SAMD12: variants seen among roughly 807,000 people sequenced by gnomAD.
SAMD12 encodes the protein sterile alpha motif domain-containing protein 12.
In SAMD12, 9 loss-of-function variants were observed where a neutral mutation model predicts 15.0. That is an observed-to-expected ratio of 0.60 (90% confidence interval 0.36 to 1.05). The LOEUF (loss-of-function observed/expected upper bound fraction) is 1.05, where lower values mean the gene tolerates loss of function less well. SAMD12 is among the 50% of genes least tolerant of loss of function. The pLI is 0.01. For missense variants in SAMD12, 230 were observed against 234.2 expected (o/e 0.98, Z 0.12); for synonymous variants, 86 against 90.1 (o/e 0.96, Z 0.25).
the SAMD12 span, among the ~76,000 whole-genome samples, chr8:118,140,472 A>G: frequency 1.3e-5 from 2 of 151,942 alleles, no homozygotes; most frequent in Non-Finnish European, 2.9e-5. Flanking sequence ...GGATCTTGCT[A>G]TGTTGCTCAG....
At chr8:118,179,224 G>A in the SAMD12 span, among the ~76,000 whole-genome samples, 1 of 152,130 alleles carries the variant, frequency 6.6e-6, no homozygotes, top group Admixed American at 6.6e-5. Context: ...GATCACCTGA[G>A]GTCGGGAGTT....
At chr8:118,175,050 A>G in the SAMD12 span, among the ~76,000 whole-genome samples, 1 of 150,282 alleles carries the variant, frequency 6.7e-6, no homozygotes, top group Admixed American at 6.6e-5. Flanking sequence ...AAAAAAAACA[A>G]AAAAAACAAA....
At chr8:118,482,464 A>T (rs5012097) in intron 2 of SAMD12, among the ~76,000 whole-genome samples, 117,204 of 149,912 alleles carry the variant, frequency 0.78, 45,720 homozygotes, top group Middle Eastern at 0.82. Context: ...CGGGAAATAT[A>T]TATTTTTTTT....
chr8:118,402,896 A>G (rs1013923153), intron 3 of SAMD12, among the ~76,000 whole-genome samples: 1 of 152,204 alleles, frequency 6.6e-6, no homozygotes, highest in Non-Finnish European at 1.5e-5. Flanking sequence ...CTTCATGCAC[A>G]CACACAAAAA....
chr8:118,307,335 T>C, intron 4 of SAMD12, among the ~76,000 whole-genome samples: 1 of 152,214 alleles, frequency 6.6e-6, no homozygotes, highest in East Asian at 1.9e-4. Flanking sequence ...AAGATTCATA[T>C]CCTTCCACTC....
chr8:118,580,652 T>C (rs964817741), intron 2 of SAMD12, 63 bp downstream of exon 2: 1 of 1,193,250 alleles, frequency 8.4e-7, no homozygotes, highest in Non-Finnish European at 1.2e-6. Context: ...TCTCTGTAGC[T>C]GGACTACAAC....
At chr8:118,377,156 G>A (rs1819430230), downstream of SAMD12, among the ~76,000 whole-genome samples, 1 of 152,048 alleles carries the variant, frequency 6.6e-6, no homozygotes, top group Non-Finnish European at 1.5e-5. Context: ...CAGCACTTTG[G>A]GAGGCCAAGG....
chr8:118,262,079 G>A (rs1813091271), intron 4 of SAMD12, among the ~76,000 whole-genome samples: 1 of 152,042 alleles, frequency 6.6e-6, no homozygotes. Flanking sequence ...ACAGAGGCAG[G>A]ATTTGAATCC....
chr8:118,368,059 A>G (rs3802190), intron 4 of SAMD12, among the ~76,000 whole-genome samples: 34,000 of 152,146 alleles, frequency 0.22, 3,961 homozygotes, highest in South Asian at 0.27. Flanking sequence ...CTCAAAAAAC[A>G]TGTCTTTTGG....
intron 2 of SAMD12, among the ~76,000 whole-genome samples, chr8:118,576,979 A>C (rs181091329): frequency 6.6e-6 from 1 of 152,286 alleles, no homozygotes; most frequent in Non-Finnish European, 1.5e-5. Context: ...ATGTAAACAT[A>C]GTTTTTTACT....
At position 118,545,029 on chromosome 8, in the gene SAMD12, A is replaced by C. The variant is rs182848782; in HGVS notation, c.192+35686T>G. ...CACACTAGCTGCAACAGAACCCTCT[A>C]GGGCAACTGATAAAATGCCAGTGCC... On this transcript the variant is annotated intron_variant, in intron 2 of 3. Coordinates refer to ENST00000314727, the MANE Select transcript of SAMD12 (RefSeq NM_207506.3). Among the ~76,000 whole-genome samples, 1,120 of 152,348 alleles carry C rather than the reference A, an allele frequency of 7.4e-3. 10 individuals carry two copies. Among genetic ancestry groups the C allele is most frequent in the Middle Eastern group, 0.014 (4 of 294 alleles).
At chr8:118,334,677 C>G (rs1816970404) in intron 4 of SAMD12, among the ~76,000 whole-genome samples, 1 of 152,110 alleles carries the variant, frequency 6.6e-6, no homozygotes, top group Non-Finnish European at 1.5e-5. Flanking sequence ...CTCACTGAAG[C>G]CTCAACCTCC....
chr8:118,407,566 C>G (rs1412045988), intron 3 of SAMD12, among the ~76,000 whole-genome samples: 1 of 152,130 alleles, frequency 6.6e-6, no homozygotes, highest in Non-Finnish European at 1.5e-5. Context: ...CTAGGAAGAA[C>G]TATGTATGGA....
chr8:118,279,261 A>G (rs568892119), intron 4 of SAMD12, among the ~76,000 whole-genome samples: 31 of 152,348 alleles, frequency 2.0e-4, no homozygotes, highest in Admixed American at 1.4e-3. Context: ...TTTCTGAAAT[A>G]TAAATTACAA....
At chr8:118,479,990 AAGATCTTTGC>A (rs1824079372) in intron 2 of SAMD12, among the ~76,000 whole-genome samples, 1 of 152,230 alleles carries the variant, frequency 6.6e-6, no homozygotes, top group African/African-American at 2.4e-5. Context: ...TTCAATAGGC[AAGATCTTTGC>A]AGAATCTAAA....
chr8:118,572,440 G>C (rs1249308230), intron 2 of SAMD12, among the ~76,000 whole-genome samples: 3 of 152,162 alleles, frequency 2.0e-5, no homozygotes, highest in Admixed American at 6.5e-5. Flanking sequence ...GGAGGGGCCA[G>C]GGGCAGGATG....
intron 4 of SAMD12, among the ~76,000 whole-genome samples, chr8:118,237,412 T>A (rs1050519915): frequency 6.6e-6 from 1 of 152,210 alleles, no homozygotes; most frequent in African/African-American, 2.4e-5. Flanking sequence ...ATCAGTCAAG[T>A]CCATGGGAGG....
intron 4 of SAMD12, among the ~76,000 whole-genome samples, chr8:118,246,988 C>T (rs1029862581): frequency 1.3e-5 from 2 of 151,928 alleles, no homozygotes; most frequent in Non-Finnish European, 2.9e-5. Context: ...GAAAAGGAGA[C>T]AAAGTTTTAG....
intron 1 of SAMD12, among the ~76,000 whole-genome samples, chr8:118,616,065 G>C (rs1828231706): frequency 6.6e-6 from 1 of 152,140 alleles, no homozygotes; most frequent in Admixed American, 6.5e-5. Context: ...AGTCAGATCT[G>C]GTGGTATAGA....
Sources: gnomAD v4.1 joint callset for allele counts (sites outside exome capture counted in the v4.1 genomes callset) on GRCh38, gnomAD v4.1.1 for gene constraint, MANE v1.5 for transcripts, NCBI Gene and HGNC (gene_info 2026-07-23, HGNC 2026-07-21) for gene names.